The following ELOVL7 variants were observed in gnomAD, a reference collection of about 807,000 sequenced individuals.
ELOVL7 encodes the protein very long chain fatty acid elongase 7.
In ELOVL7, 27 loss-of-function variants were observed where a neutral mutation model predicts 35.7. That is an observed-to-expected ratio of 0.76 (90% CI 0.56 to 1.04). The LOEUF is 1.04. Ranked by LOEUF, ELOVL7 falls within the 50% of genes least tolerant of loss-of-function variation. ELOVL7 has a pLI of 0.00. For missense variants in ELOVL7, 327 were observed against 340.8 expected (o/e 0.96, Z 0.32); for synonymous variants, 113 against 114.6 (o/e 0.99, Z 0.09).
intron 1 of ELOVL7, among the ~76,000 whole-genome samples, chr5:60,805,907 G>A: frequency 6.6e-6 from 1 of 150,962 alleles, no homozygotes; most frequent in South Asian, 2.1e-4. Flanking sequence ...CAGGAAACAT[G>A]TGTGATATGA....
At chr5:60,815,116 A>C (rs532349284) in intron 1 of ELOVL7, among the ~76,000 whole-genome samples, 1 of 152,240 alleles carries the variant, frequency 6.6e-6, no homozygotes, top group Non-Finnish European at 1.5e-5. Context: ...ACTGAAATCA[A>C]TACTACTATT....
chr5:60,766,707 T>G (rs992469407), intron 5 of ELOVL7, 77 bp from the exon 6 acceptor site: 34 of 1,263,492 alleles, frequency 2.7e-5, no homozygotes, highest in Non-Finnish European at 3.7e-5. Flanking sequence ...TGGTAAAATA[T>G]GCATACCATA....
intron 1 of ELOVL7, among the ~76,000 whole-genome samples, chr5:60,812,834 C>T (rs1399294421): frequency 6.6e-6 from 1 of 152,218 alleles, no homozygotes; most frequent in Non-Finnish European, 1.5e-5. Context: ...ATTCATCTCA[C>T]TGGCCTCAAG....
chr5:60,752,153 C>T lies in ELOVL7; in HGVS notation c.*2471G>A, dbSNP rs180924470. The T allele has an allele frequency of 5.3e-5, 8 of 152,270 alleles. No individual in the cohort carries two copies. The highest frequency in any genetic ancestry group is 1.7e-4 in the African/African-American group (7 of 41,556). 9.4% of individuals were successfully genotyped at this position (152,270 alleles called of 1,614,324 possible). A position where few individuals can be genotyped will look rare whatever the true frequency, so the allele number is the denominator to read the frequency against. On this transcript the variant is annotated 3_prime_UTR_variant, in exon 9 of 9. Transcript: ENST00000508821. ...ATCCCAAAGGAACTCTATGTGACCA[C>T]ACAGAACTCTTTTAATAAATATGGC...
intron 7 of ELOVL7, among the ~76,000 whole-genome samples, chr5:60,759,730 T>C (rs1279524515): frequency 6.6e-6 from 1 of 152,078 alleles, no homozygotes; most frequent in Non-Finnish European, 1.5e-5. Flanking sequence ...GCTGGTGTGC[T>C]GCACCCATTA....
At chr5:60,809,630 A>G (rs1745133551) in intron 1 of ELOVL7, among the ~76,000 whole-genome samples, 2 of 152,230 alleles carry the variant, frequency 1.3e-5, no homozygotes, top group Non-Finnish European at 2.9e-5. Context: ...GGACAAAAAC[A>G]TCTTGAATAC....
At chr5:60,841,620 A>G (rs776712853) in intron 1 of ELOVL7, among the ~76,000 whole-genome samples, 44 of 152,180 alleles carry the variant, frequency 2.9e-4, no homozygotes, top group Non-Finnish European at 6.0e-4. Context: ...ATTTGGCCTG[A>G]CTGTAGCCTA....
At chr5:60,832,094 A>G (rs377473238) in intron 1 of ELOVL7, among the ~76,000 whole-genome samples, 28 of 152,328 alleles carry the variant, frequency 1.8e-4, no homozygotes, top group African/African-American at 6.5e-4. Flanking sequence ...AACGTGTAGT[A>G]AGCAGCAGGA....
At chr5:60,795,658 C>T (rs1744210462) in intron 2 of ELOVL7, among the ~76,000 whole-genome samples, 1 of 152,250 alleles carries the variant, frequency 6.6e-6, no homozygotes. Context: ...TCGCCACTGA[C>T]TTCCAACCCT....
At chr5:60,780,704 A>C (rs1014004495) in intron 3 of ELOVL7, among the ~76,000 whole-genome samples, 3 of 152,272 alleles carry the variant, frequency 2.0e-5, no homozygotes, top group Admixed American at 6.5e-5. Flanking sequence ...AGAGAGAATG[A>C]GTGCCAGCAG....
At chr5:60,813,150 ATCCG>A (rs1402140639) in intron 1 of ELOVL7, among the ~76,000 whole-genome samples, 1 of 152,152 alleles carries the variant, frequency 6.6e-6, no homozygotes, top group African/African-American at 2.4e-5. Context: ...AGGTTTATTG[ATCCG>A]TCACCTTCAC....
At chr5:60,778,443 C>T (rs968509878) in intron 3 of ELOVL7, among the ~76,000 whole-genome samples, 1 of 152,180 alleles carries the variant, frequency 6.6e-6, no homozygotes, top group Non-Finnish European at 1.5e-5. Context: ...CACAGTTCTG[C>T]ATGGCCTGGG....
intron 1 of ELOVL7, among the ~76,000 whole-genome samples, chr5:60,836,316 C>T (rs555262639): frequency 6.6e-6 from 1 of 152,122 alleles, no homozygotes; most frequent in Admixed American, 6.5e-5. Context: ...AATAATTCGT[C>T]ATTGGACTCT....
At chr5:60,838,119 A>T (rs1022129456) in intron 1 of ELOVL7, among the ~76,000 whole-genome samples, 1 of 152,184 alleles carries the variant, frequency 6.6e-6, no homozygotes, top group Non-Finnish European at 1.5e-5. Context: ...TTCCCCACTG[A>T]CATTATGATA....
At chr5:60,833,961 T>C (rs1467462999) in intron 1 of ELOVL7, among the ~76,000 whole-genome samples, 2 of 152,234 alleles carry the variant, frequency 1.3e-5, no homozygotes, top group East Asian at 3.8e-4. Flanking sequence ...ACTATACTTT[T>C]ATAATTACTA....
intron 1 of ELOVL7, among the ~76,000 whole-genome samples, 192 bp from the exon 2 acceptor site, chr5:60,799,422 A>G (rs1180829942): frequency 3.3e-5 from 5 of 152,172 alleles, no homozygotes; most frequent in Non-Finnish European, 7.3e-5. Context: ...AGTTCAACAA[A>G]ACTGACAAAC....
chr5:60,766,331 T>C (rs1160485412), intron 6 of ELOVL7, among the ~76,000 whole-genome samples: 1 of 152,236 alleles, frequency 6.6e-6, no homozygotes, highest in Non-Finnish European at 1.5e-5. Context: ...CTGATAGCTA[T>C]GTAACAGAAA....
intron 8 of ELOVL7, among the ~76,000 whole-genome samples, chr5:60,755,761 A>T (rs1252177259): frequency 6.6e-6 from 1 of 152,190 alleles, no homozygotes; most frequent in African/African-American, 2.4e-5. Flanking sequence ...GTGGGGCAGA[A>T]CATCTTACAC....
intron 3 of ELOVL7, among the ~76,000 whole-genome samples, chr5:60,774,712 G>A (rs1169643189): frequency 1.3e-5 from 2 of 151,014 alleles, no homozygotes; most frequent in East Asian, 3.9e-4. Context: ...CCTGCTTGCT[G>A]ATGATATGAT....
Sources: allele counts gnomAD v4.1 joint callset (sites outside exome capture counted in the v4.1 genomes callset), GRCh38; gene constraint gnomAD v4.1.1; transcripts MANE v1.5; gene names NCBI Gene and HGNC (gene_info 2026-07-23, HGNC 2026-07-21).